The following CSE1L variants were observed in gnomAD, a reference collection of about 807,000 sequenced individuals.
The protein encoded by CSE1L is exportin-2.
Under a neutral mutation model 120.4 loss-of-function variants are expected in CSE1L, and 24 were observed. The observed-to-expected ratio is 0.20, with a 90% CI of 0.14 to 0.28. The LOEUF is 0.28. CSE1L is among the 10% of genes least tolerant of loss of function. The probability of loss-of-function intolerance (pLI) is 1.00; values close to 1 mark genes in which losing one functional copy is unlikely to be tolerated. For missense variants in CSE1L, 830 were observed against 1,145.2 expected (o/e 0.72, Z 3.97); for synonymous variants, 402 against 398.3 (o/e 1.01, Z -0.11).
At chr20:49,065,138 A>G (rs1205345627) in intron 3 of CSE1L, among the ~76,000 whole-genome samples, 1 of 140,632 alleles carries the variant, frequency 7.1e-6, no homozygotes. Flanking sequence ...AGCCTGGGTG[A>G]CAGATGGAAA....
At chr20:49,053,692 A>G (rs2091785931) in intron 1 of CSE1L, among the ~76,000 whole-genome samples, 1 of 152,118 alleles carries the variant, frequency 6.6e-6, no homozygotes, top group African/African-American at 2.4e-5. Context: ...ATTTCAATAC[A>G]GAAAAAAGGA....
chr20:49,091,298 G>A (rs564490198), intron 21 of CSE1L, among the ~76,000 whole-genome samples: 1 of 151,908 alleles, frequency 6.6e-6, no homozygotes, highest in East Asian at 1.9e-4. Context: ...GGTGGCATGT[G>A]CCTGTAGTCG....
intron 6 of CSE1L, 44 bp downstream of exon 6, chr20:49,067,324 ATTGCTTG>A: frequency 7.9e-7 from 1 of 1,262,394 alleles, no homozygotes; most frequent in Non-Finnish European, 1.1e-6. Flanking sequence ...AATATTTTAA[ATTGCTTG>A]AATGTTTGTA....
At chr20:49,054,369 G>T (rs889390231) in intron 1 of CSE1L, among the ~76,000 whole-genome samples, 2 of 152,124 alleles carry the variant, frequency 1.3e-5, no homozygotes, top group East Asian at 1.9e-4. Flanking sequence ...GCTCCCCACC[G>T]CTCAGTTGTC....
intron 3 of CSE1L, among the ~76,000 whole-genome samples, chr20:49,065,324 T>TTTTTTTTTTTTTTTTTTTTTTTTTTTTC (rs2091883565): frequency 8.7e-6 from 1 of 114,420 alleles, no homozygotes; most frequent in Non-Finnish European, 1.9e-5. Context: ...TTTTTTTTTT[T>TTTTTTTTTTTTTTTTTTTTTTTTTTTTC]TTTTTTTTTT....
rs139969182 is a variant in CSE1L at position 49,047,077 on chromosome 20, G to C, written c.-12+654G>C. On this transcript the variant is annotated intron_variant, in intron 1 of 24. Coordinates refer to ENST00000262982, the MANE Select transcript of CSE1L (RefSeq NM_001316.4). Reference sequence around the variant, plus strand: ...TAGAAATCCCCTGTAACGCGGGTTGGGGGAGGGTTCCCTCGTTTTGGGAGA... The same window carrying C: ...TAGAAATCCCCTGTAACGCGGGTTGCGGGAGGGTTCCCTCGTTTTGGGAGA... Among the ~76,000 whole-genome samples the C allele has an allele frequency of 4.8e-3, 725 of 152,294 alleles. 3 individuals carry two copies. The highest frequency in any genetic ancestry group is 0.017 in the African/African-American group (687 of 41,544).
At chr20:49,047,564 CTTTTTTTTTTTTTTTTTT>C (rs59986218) in intron 1 of CSE1L, among the ~76,000 whole-genome samples, 1 of 69,928 alleles carries the variant, frequency 1.4e-5, no homozygotes, top group African/African-American at 7.7e-5. Flanking sequence ...TTTCTCTTTT[CTTTTTTTTTTTTTTTTTT>C]TTTTTTTTTT....
intron 8 of CSE1L, among the ~76,000 whole-genome samples, chr20:49,071,831 G>C (rs1403361066): frequency 6.6e-6 from 1 of 152,030 alleles, no homozygotes; most frequent in South Asian, 2.1e-4. Flanking sequence ...AGCCGGGCGT[G>C]ATGGCGGGTG....
In CSE1L at chr20:49,077,078, T is replaced by A. The variant is rs1379126542; in HGVS notation, c.1420+14T>A. 1.7e-5 allele frequency: 26 copies of A among 1,574,144 alleles called. No individual in the cohort carries two copies. Among genetic ancestry groups the A allele is most frequent in the Non-Finnish European group, 2.1e-5 (24 of 1,153,936 alleles). On this transcript the variant is annotated intron_variant, in intron 13 of 24. Coordinates refer to ENST00000262982, the MANE Select transcript of CSE1L (RefSeq NM_001316.4). ...AATCAGCTAATGGTGAGTTGTGAAA[T>A]TCTTGCTTTTTTTACAGCTTGCCAC...
intron 1 of CSE1L, among the ~76,000 whole-genome samples, chr20:49,047,881 A>G (rs2091732483): frequency 6.6e-6 from 1 of 151,854 alleles, no homozygotes; most frequent in Non-Finnish European, 1.5e-5. Context: ...GCATTTACTA[A>G]CACTTACTTA....
rs1306845820 is a variant in CSE1L, at chr20:49,094,386, G to T, written c.2594+100G>T. 5 of 1,164,388 alleles carry T rather than the reference G, an allele frequency of 4.3e-6. No individual in the cohort carries two copies. The East Asian group carries it at 1.2e-4, about 28-fold the overall frequency. The allele number at this position is 1,164,388 out of a possible 1,614,324, so 72.1% of individuals were successfully genotyped here. ...TCTCTTGGGGGCCAAGAGAATCTTG[G>T]TCTGATCTCAGCTTCTCCACAATCA... On this transcript the variant is annotated intron_variant, in intron 23 of 24. Coordinates refer to ENST00000262982, the MANE Select transcript of CSE1L (RefSeq NM_001316.4).
chr20:49,091,825 T>G (rs1480946528), intron 21 of CSE1L, among the ~76,000 whole-genome samples: 1 of 152,180 alleles, frequency 6.6e-6, no homozygotes, highest in African/African-American at 2.4e-5. Context: ...ACCAAAACAT[T>G]TTTTCAGTAG....
At chr20:49,067,099 A>G (rs1249594048) in intron 5 of CSE1L, 91 bp from the exon 6 acceptor site, 2 of 633,698 alleles carry the variant, frequency 3.2e-6, no homozygotes, top group East Asian at 2.8e-5. Flanking sequence ...CCATCTATTC[A>G]TAGATGTCCA....
intron 8 of CSE1L, 94 bp from the exon 9 acceptor site, chr20:49,072,192 T>G: frequency 7.7e-7 from 1 of 1,302,054 alleles, no homozygotes; most frequent in Non-Finnish European, 1.1e-6. Context: ...TGGATTTAAT[T>G]GATAAAGAGT....
At chr20:49,082,810 C>T (rs975948240) in intron 14 of CSE1L, among the ~76,000 whole-genome samples, 17 of 152,012 alleles carry the variant, frequency 1.1e-4, no homozygotes, top group East Asian at 5.8e-4. Flanking sequence ...CATGAGCCAC[C>T]GTGCCTGGCC....
intron 3 of CSE1L, among the ~76,000 whole-genome samples, 187 bp from the exon 4 acceptor site, chr20:49,066,005 C>T (rs1301141858): frequency 6.6e-6 from 1 of 152,192 alleles, no homozygotes; most frequent in African/African-American, 2.4e-5. Context: ...AGGATTCACG[C>T]TGTCATCAGA....
At chr20:49,082,483 A>G (rs1055034803) in intron 14 of CSE1L, among the ~76,000 whole-genome samples, 1 of 151,580 alleles carries the variant, frequency 6.6e-6, no homozygotes, top group Non-Finnish European at 1.5e-5. Context: ...ACATCATACT[A>G]TGGGTTTCAT....
At chr20:49,053,172 A>G (rs1301388350) in intron 1 of CSE1L, among the ~76,000 whole-genome samples, 1 of 101,022 alleles carries the variant, frequency 9.9e-6, no homozygotes, top group Admixed American at 9.6e-5. Flanking sequence ...TTTTTTTTTT[A>G]AAGACAAAAT....
intron 14 of CSE1L, among the ~76,000 whole-genome samples, chr20:49,082,548 C>G (rs1278936974): frequency 6.6e-6 from 1 of 152,048 alleles, no homozygotes; most frequent in Non-Finnish European, 1.5e-5. Context: ...CTCTGTCGCT[C>G]AGTGCAGTAA....
Sources: gnomAD v4.1 joint callset for allele counts (sites outside exome capture counted in the v4.1 genomes callset) on GRCh38, gnomAD v4.1.1 for gene constraint, MANE v1.5 for transcripts, NCBI Gene and HGNC (gene_info 2026-07-23, HGNC 2026-07-21) for gene names.